TBXAS1: variants seen among roughly 807,000 people sequenced by gnomAD.
TBXAS1 encodes the protein thromboxane A synthase 1.
TBXAS1 carries 48 observed loss-of-function variants against 60.7 expected under a neutral mutation model. The ratio of observed to expected loss-of-function variants is 0.79; its 90% confidence interval spans 0.63 to 1.01. The LOEUF (loss-of-function observed/expected upper bound fraction) is 1.01. Among genes scored for constraint, TBXAS1 ranks in the 50% least tolerant of loss-of-function variants. TBXAS1 has a pLI of 0.00. For synonymous variants in TBXAS1, 287 were observed against 269.7 expected (o/e 1.06, Z -0.63); for missense variants, 685 against 686.3 (o/e 1.00, Z 0.02).
At chr7:139,897,766 T>C (rs1024248528) in intron 3 of TBXAS1, among the ~76,000 whole-genome samples, 2 of 152,138 alleles carry the variant, frequency 1.3e-5, no homozygotes, top group Non-Finnish European at 2.9e-5. Context: ...CAGGCATGAG[T>C]ACTCTGAGGG....
chr7:139,793,015 A>G (rs983508693), intron 4 of TBXAS1, among the ~76,000 whole-genome samples: 3 of 152,226 alleles, frequency 2.0e-5, no homozygotes, highest in Non-Finnish European at 4.4e-5. Flanking sequence ...CCAGGTCACC[A>G]GTTTTTAGAT....
intron 9 of TBXAS1, 41 bp downstream of exon 9, chr7:139,962,274 A>G (rs751658736): frequency 3.9e-5 from 62 of 1,607,970 alleles, no homozygotes; most frequent in Admixed American, 1.0e-4. Flanking sequence ...GGATATCCAT[A>G]GGACAATTGA....
intron 4 of TBXAS1, among the ~76,000 whole-genome samples, chr7:139,820,475 TC>T (rs1409778538): frequency 6.6e-6 from 1 of 152,152 alleles, no homozygotes; most frequent in African/African-American, 2.4e-5. Context: ...TTGCTTCAAC[TC>T]CCCTGCTGTG....
chr7:139,897,129 A>G (rs1429178844), intron 3 of TBXAS1, among the ~76,000 whole-genome samples: 1 of 152,188 alleles, frequency 6.6e-6, no homozygotes, highest in Admixed American at 6.5e-5. Flanking sequence ...AGATAAGAAG[A>G]CAAGATGTGT....
At chr7:139,917,038 T>C (rs1806042025) in intron 4 of TBXAS1, among the ~76,000 whole-genome samples, 1 of 152,244 alleles carries the variant, frequency 6.6e-6, no homozygotes, top group South Asian at 2.1e-4. Context: ...ATCAAGATTT[T>C]ACTTGTGAGA....
chr7:139,826,260 C>T (rs758125862), upstream of TBXAS1, among the ~76,000 whole-genome samples: 3 of 151,850 alleles, frequency 2.0e-5, no homozygotes, highest in Admixed American at 6.6e-5. Context: ...GTACAGATCC[C>T]GATGGAATGG....
chr7:139,961,791 G>A (rs1810368688), intron 8 of TBXAS1, 128 bp from the exon 9 acceptor site: 1 of 1,161,854 alleles, frequency 8.6e-7, no homozygotes, highest in Non-Finnish European at 1.2e-6. Flanking sequence ...ACCCAGCAAT[G>A]AGGAAGCTTG....
At chr7:139,972,987 C>T (rs139904769) in intron 9 of TBXAS1, among the ~76,000 whole-genome samples, 21 of 152,134 alleles carry the variant, frequency 1.4e-4, no homozygotes, top group East Asian at 5.8e-4. Context: ...TGAGTTACTG[C>T]GCCCAGCGAG....
chr7:139,876,733 T>C (rs1205365842), intron 3 of TBXAS1, among the ~76,000 whole-genome samples: 2 of 152,214 alleles, frequency 1.3e-5, no homozygotes, highest in African/African-American at 2.4e-5. Flanking sequence ...AATTAAGATG[T>C]TAAGATGCTC....
chr7:139,961,770 C>A, intron 8 of TBXAS1, 149 bp from the exon 9 acceptor site: 2 of 990,596 alleles, frequency 2.0e-6, no homozygotes, highest in Non-Finnish European at 3.0e-6. Flanking sequence ...AGGTTCTCAC[C>A]GTCCCAGATA....
intron 1 of TBXAS1, among the ~76,000 whole-genome samples, chr7:139,859,146 A>T (rs1236801796): frequency 6.7e-6 from 1 of 149,984 alleles, no homozygotes; most frequent in Non-Finnish European, 1.5e-5. Context: ...AAGTGCTGGG[A>T]TTACAGGCGT....
At chr7:139,904,564 C>T (rs757640099) in intron 3 of TBXAS1, among the ~76,000 whole-genome samples, 4 of 152,134 alleles carry the variant, frequency 2.6e-5, no homozygotes, top group South Asian at 2.1e-4. Context: ...AATATTGATT[C>T]GACCCATCCA....
intron 1 of TBXAS1, among the ~76,000 whole-genome samples, chr7:139,779,047 ATTGTTTCATAAACCTT>A (rs1796888955): frequency 6.6e-6 from 1 of 152,190 alleles, no homozygotes; most frequent in Non-Finnish European, 1.5e-5. Context: ...AAGGGCAACT[ATTGTTTCATAAACCTT>A]TTGTTTCGAT....
intron 1 of TBXAS1, among the ~76,000 whole-genome samples, chr7:139,780,326 G>C (rs1366419131): frequency 2.0e-5 from 3 of 152,252 alleles, no homozygotes; most frequent in Non-Finnish European, 4.4e-5. Flanking sequence ...AATGTGGCTA[G>C]TATGACTGAG....
Position 139,905,039 on chromosome 7 carries a change from C to CT in TBXAS1, c.237-6183dup, listed in dbSNP as rs1227778942. Among the ~76,000 whole-genome samples the CT allele has an allele frequency of 3.5e-5, 3 of 86,564 alleles. No homozygotes were observed. In the South Asian group the frequency reaches 1.3e-3, roughly 38 times the overall value. 56.8% of individuals were successfully genotyped at this position (86,564 alleles called of 152,430 possible). On this transcript the variant is annotated intron_variant, in intron 3 of 12. Coordinates refer to ENST00000448866, the MANE Select transcript of TBXAS1 (RefSeq NM_001061.7). The stretch of plus-strand genomic sequence containing the variant: ...TCTTTCTTTCTTTCTTTCTTTCTTT[C>CT]TTTCTTTCTTTCTTTCTTTCTCTCT...
rs903294672 is a variant in TBXAS1 at position 139,995,496 on chromosome 7, G to A, written c.1135-11595G>A. Among the ~76,000 whole-genome samples the A allele has an allele frequency of 1.1e-4, 16 of 152,292 alleles. No homozygotes were observed. The East Asian group carries it at 1.4e-3, about 13-fold the overall frequency. On this transcript the variant is annotated intron_variant, in intron 9 of 12. Coordinates refer to ENST00000448866, the MANE Select transcript of TBXAS1 (RefSeq NM_001061.7). ...AGGCTGTCCCTGGGTGGGTGGGGGC[G>A]TGGCCATGCTGCATCAGACCGGTCC...
At chr7:139,902,611 G>A (rs192664519) in intron 3 of TBXAS1, among the ~76,000 whole-genome samples, 13 of 152,210 alleles carry the variant, frequency 8.5e-5, no homozygotes, top group East Asian at 5.8e-4. Flanking sequence ...AAGTTTTCAC[G>A]TCTCTGGGAC....
chr7:139,789,637 AT>A (rs34674309), intron 4 of TBXAS1: 4,148 of 135,216 alleles, frequency 0.031, 54 homozygotes, highest in African/African-American at 0.041. Context: ...TCCTGTAAGC[AT>A]TTTTTTTTTT....
At chr7:139,945,994 G>A (rs968655396) in intron 5 of TBXAS1, among the ~76,000 whole-genome samples, 13 of 152,192 alleles carry the variant, frequency 8.5e-5, no homozygotes, top group Non-Finnish European at 1.9e-4. Context: ...AGTCAGTGGG[G>A]ATCTACAAAT....
Sources: allele counts gnomAD v4.1 joint callset (sites outside exome capture counted in the v4.1 genomes callset), GRCh38; gene constraint gnomAD v4.1.1; transcripts MANE v1.5; gene names NCBI Gene and HGNC (gene_info 2026-07-23, HGNC 2026-07-21).